The following RAPGEF5 variants were observed in gnomAD, a reference collection of about 807,000 sequenced individuals.
The protein encoded by RAPGEF5 is M-Ras-regulated GEF.
In RAPGEF5, 65 loss-of-function variants were observed where a neutral mutation model predicts 125.2. That is an observed-to-expected ratio of 0.52 (90% CI 0.43 to 0.64). RAPGEF5 has a LOEUF of 0.64. Ranked by LOEUF, RAPGEF5 falls within the 30% of genes least tolerant of loss-of-function variation. RAPGEF5 has a pLI of 0.00. For missense variants in RAPGEF5, 958 were observed against 1,048.1 expected (o/e 0.91, Z 1.19); for synonymous variants, 391 against 385.9 (o/e 1.01, Z -0.16).
intron 11 of RAPGEF5, among the ~76,000 whole-genome samples, chr7:22,178,179 ATATT>A (rs1784567359): frequency 6.6e-6 from 1 of 152,230 alleles, no homozygotes; most frequent in African/African-American, 2.4e-5. Flanking sequence ...CCAGTTACAC[ATATT>A]TATATTTTTT....
At chr7:22,198,960 C>T (rs1242408605) in intron 9 of RAPGEF5, among the ~76,000 whole-genome samples, 1 of 152,190 alleles carries the variant, frequency 6.6e-6, no homozygotes, top group Non-Finnish European at 1.5e-5. Flanking sequence ...CAGATGTCCC[C>T]TAAGATGGCC....
chr7:22,236,002 C>T (rs1786178411), intron 7 of RAPGEF5, among the ~76,000 whole-genome samples: 1 of 152,122 alleles, frequency 6.6e-6, no homozygotes, highest in East Asian at 1.9e-4. Flanking sequence ...ACCATAAAGC[C>T]ACTCCATATG....
At chr7:22,280,291 T>C (rs1394267508) in intron 6 of RAPGEF5, among the ~76,000 whole-genome samples, 2 of 152,090 alleles carry the variant, frequency 1.3e-5, no homozygotes, top group Admixed American at 6.5e-5. Flanking sequence ...TGGCGTCACT[T>C]CTCCCTAGCC....
chr7:22,219,431 T>C (rs1396950195), intron 9 of RAPGEF5, among the ~76,000 whole-genome samples: 3 of 150,900 alleles, frequency 2.0e-5, no homozygotes, highest in Non-Finnish European at 2.9e-5. Context: ...TGTGTTTTCA[T>C]CTATTTCTAG....
intron 6 of RAPGEF5, among the ~76,000 whole-genome samples, chr7:22,288,894 C>T (rs1477917765): frequency 3.0e-4 from 45 of 152,336 alleles, no homozygotes; most frequent in Non-Finnish European, 1.8e-4. Flanking sequence ...TATTTCATCA[C>T]ATTAATCTGT....
rs1782596471 is a variant in RAPGEF5, at chr7:22,122,077, CGTT to C, written c.*326_*328del. ...AATATTTGGTCATTGCATGTCAAGACGTTGTCTTGTCTTGATGCTGGCACATCT... is the reference window on the plus strand; with the variant it reads ...AATATTTGGTCATTGCATGTCAAGACGTCTTGTCTTGATGCTGGCACATCT... On this transcript the variant is annotated 3_prime_UTR_variant, in exon 26 of 26. Coordinates refer to ENST00000665637, the MANE Select transcript of RAPGEF5 (RefSeq NM_012294.5). 1.6e-5 allele frequency: 4 copies of C among 247,488 alleles called. No individual in the cohort carries two copies. In the South Asian group the frequency reaches 3.4e-4, roughly 21 times the overall value. 15.3% of individuals were successfully genotyped at this position (247,488 alleles called of 1,614,324 possible).
At chr7:22,325,111 C>G (rs147819025) in intron 1 of RAPGEF5, among the ~76,000 whole-genome samples, 1 of 152,292 alleles carries the variant, frequency 6.6e-6, no homozygotes, top group East Asian at 1.9e-4. Context: ...CACACAAACG[C>G]TGCATGAAGT....
At chr7:22,152,775 C>T (rs1783669785) in intron 17 of RAPGEF5, among the ~76,000 whole-genome samples, 1 of 151,934 alleles carries the variant, frequency 6.6e-6, no homozygotes, top group South Asian at 2.1e-4. Context: ...TTGCATTAAG[C>T]TTTTGAGATT....
At chr7:22,145,992 G>C (rs1320644099) in intron 19 of RAPGEF5, among the ~76,000 whole-genome samples, 6 of 151,868 alleles carry the variant, frequency 4.0e-5, no homozygotes, top group South Asian at 2.1e-4. Flanking sequence ...GTGTGTGTGT[G>C]TGTGTGTTTT....
intron 9 of RAPGEF5, among the ~76,000 whole-genome samples, chr7:22,199,112 G>T (rs189564818): frequency 6.6e-6 from 1 of 152,184 alleles, no homozygotes; most frequent in Non-Finnish European, 1.5e-5. Flanking sequence ...TAGCATAGCC[G>T]GTTTTTAGTT....
intron 25 of RAPGEF5, chr7:22,125,286 C>A (rs1782701833): frequency 4.1e-6 from 1 of 242,474 alleles, no homozygotes; most frequent in Non-Finnish European, 8.1e-6. Context: ...AGCCAATGGA[C>A]AAGCAAAGCA....
intron 19 of RAPGEF5, among the ~76,000 whole-genome samples, chr7:22,146,403 T>A (rs1445085868): frequency 1.3e-5 from 2 of 152,234 alleles, no homozygotes; most frequent in East Asian, 3.8e-4. Flanking sequence ...AGTGAAAAAC[T>A]GATGGACATA....
At chr7:22,342,220 T>C (rs1373081281) in intron 1 of RAPGEF5, among the ~76,000 whole-genome samples, 1 of 152,220 alleles carries the variant, frequency 6.6e-6, no homozygotes, top group East Asian at 1.9e-4. Flanking sequence ...CTGAGCTCTA[T>C]GTTGGCCCCT....
intron 1 of RAPGEF5, 71 bp from the exon 2 acceptor site, chr7:22,318,108 G>C: frequency 1.4e-6 from 2 of 1,410,796 alleles, no homozygotes; most frequent in East Asian, 2.7e-5. Flanking sequence ...GAAAACATAA[G>C]CAACAGTGGC....
chr7:22,343,849 C>T (rs566277810), intron 1 of RAPGEF5, among the ~76,000 whole-genome samples: 1 of 152,100 alleles, frequency 6.6e-6, no homozygotes, highest in Admixed American at 6.6e-5. Flanking sequence ...CAAAGTCCCA[C>T]ATAAAGGTTT....
At chr7:22,295,278 C>T (rs927298756) in intron 5 of RAPGEF5, among the ~76,000 whole-genome samples, 2 of 152,012 alleles carry the variant, frequency 1.3e-5, no homozygotes, top group African/African-American at 2.4e-5. Context: ...ACTAGTTATG[C>T]TTATAGAAAA....
chr7:22,200,043 C>T (rs1785242147), intron 9 of RAPGEF5, among the ~76,000 whole-genome samples: 1 of 152,178 alleles, frequency 6.6e-6, no homozygotes, highest in South Asian at 2.1e-4. Context: ...AAAGTGTTGG[C>T]TCTCCTAAAT....
rs940008096 is a variant in RAPGEF5, at chr7:22,189,668, G to GA, written c.1204+3698dup. Among the ~76,000 whole-genome samples, 96 of 146,000 alleles carry GA rather than the reference G, an allele frequency of 6.6e-4. 1 individual carries two copies. Among genetic ancestry groups the GA allele is most frequent in the Admixed American group, 2.3e-3 (34 of 14,672 alleles). On this transcript the variant is annotated intron_variant, in intron 11 of 25. Coordinates refer to ENST00000665637, the MANE Select transcript of RAPGEF5 (RefSeq NM_012294.5). ...ATTTCAAGTCAAAACCTGAACCTTG[G>GA]AAAAAAAAAAGGAAATCTTTGAAAA... is the stretch of plus-strand genomic sequence containing the variant.
At chr7:22,318,112 C>A in intron 1 of RAPGEF5, 75 bp from the exon 2 acceptor site, 1 of 1,413,300 alleles carries the variant, frequency 7.1e-7, no homozygotes, top group Non-Finnish European at 9.4e-7. Context: ...ACATAAGCAA[C>A]AGTGGCCAGG....
Sources: allele counts gnomAD v4.1 joint callset (sites outside exome capture counted in the v4.1 genomes callset), GRCh38; gene constraint gnomAD v4.1.1; transcripts MANE v1.5; gene names NCBI Gene and HGNC (gene_info 2026-07-23, HGNC 2026-07-21).